Variants in NAV3 observed in about 807,000 individuals in gnomAD.
NAV3 encodes the protein neuron navigator 3, also known as pore membrane and/or filament interacting like protein 1.
Under a neutral mutation model 244.7 loss-of-function variants are expected in NAV3, and 87 were observed. The observed-to-expected ratio is 0.36, with a 90% CI of 0.30 to 0.42. NAV3 has a LOEUF of 0.42. Ranked by LOEUF, NAV3 falls within the 20% of genes least tolerant of loss-of-function variation. The pLI is 1.00. For missense variants in NAV3, 2,663 were observed against 2,893.3 expected, an observed-to-expected ratio of 0.92 and a Z score of 1.83; for synonymous variants, 1,126 against 1,042.2, an observed-to-expected ratio of 1.08 and a Z score of -1.55.
At chr12:78,134,236 C>T (rs1956281905) in intron 18 of NAV3, among the ~76,000 whole-genome samples, 1 of 152,160 alleles carries the variant, frequency 6.6e-6, no homozygotes, top group Non-Finnish European at 1.5e-5. Flanking sequence ...AGAATGAACT[C>T]CTGTCTTCTA....
intron 2 of NAV3, among the ~76,000 whole-genome samples, chr12:77,810,531 G>C (rs1196518901): frequency 6.6e-6 from 1 of 152,070 alleles, no homozygotes; most frequent in Non-Finnish European, 1.5e-5. Context: ...TAATTGAATG[G>C]TTTAAATTGA....
chr12:78,134,584 G>T (rs1405547591), intron 18 of NAV3, among the ~76,000 whole-genome samples: 1 of 152,048 alleles, frequency 6.6e-6, no homozygotes, highest in Non-Finnish European at 1.5e-5. Context: ...AGTGACTTGG[G>T]GTTATTTAAG....
intron 2 of NAV3, among the ~76,000 whole-genome samples, chr12:77,685,785 T>C (rs1450349015): frequency 6.6e-6 from 1 of 152,176 alleles, no homozygotes; most frequent in East Asian, 1.9e-4. Flanking sequence ...TGGGTTCCAT[T>C]AACAGCTTTC....
At chr12:78,183,748 A>G (rs2139777488) in intron 30 of NAV3, among the ~76,000 whole-genome samples, 1 of 152,070 alleles carries the variant, frequency 6.6e-6, no homozygotes, top group East Asian at 1.9e-4. Context: ...GGCAAATTTA[A>G]GCAGCTTATG....
At chr12:77,594,958 C>T (rs556746009) in intron 2 of NAV3, among the ~76,000 whole-genome samples, 13 of 151,982 alleles carry the variant, frequency 8.6e-5, no homozygotes, top group African/African-American at 1.2e-4. Context: ...ATTGTTGGTG[C>T]GCATATAAAT....
upstream of NAV3, among the ~76,000 whole-genome samples, chr12:77,827,405 A>G (rs1873126630): frequency 1.3e-5 from 2 of 151,982 alleles, no homozygotes; most frequent in Non-Finnish European, 2.9e-5. Context: ...GCAAGTTGCC[A>G]TTTTATGAGA....
chr12:78,134,563 C>G (rs957300664), intron 18 of NAV3, among the ~76,000 whole-genome samples: 2 of 152,064 alleles, frequency 1.3e-5, no homozygotes, highest in Non-Finnish European at 2.9e-5. Flanking sequence ...GCTGTAGATG[C>G]AAAAGTAGAG....
chr12:78,069,785 C>T (rs902237649), intron 12 of NAV3, among the ~76,000 whole-genome samples: 4 of 151,596 alleles, frequency 2.6e-5, no homozygotes, highest in African/African-American at 7.3e-5. Context: ...CCTCACATAT[C>T]GTGTGTGTAT....
intron 12 of NAV3, among the ~76,000 whole-genome samples, chr12:78,096,848 C>G (rs2138134111): frequency 6.6e-6 from 1 of 152,220 alleles, no homozygotes; most frequent in Admixed American, 6.5e-5. Flanking sequence ...TGAGCCTTTC[C>G]AGTTACTGTA....
At chr12:78,109,323 A>G (rs1447075779) in intron 12 of NAV3, among the ~76,000 whole-genome samples, 2 of 151,948 alleles carry the variant, frequency 1.3e-5, no homozygotes, top group African/African-American at 2.4e-5. Context: ...ACATCTCCCA[A>G]CTCTTTTAAA....
chr12:77,913,683 C>G (rs1400137796), intron 1 of NAV3, among the ~76,000 whole-genome samples: 1 of 152,038 alleles, frequency 6.6e-6, no homozygotes, highest in African/African-American at 2.4e-5. Flanking sequence ...CTCTGCTATA[C>G]TATCCTTGGT....
At chr12:78,067,052 T>A (rs1435425207) in intron 12 of NAV3, among the ~76,000 whole-genome samples, 6 of 152,104 alleles carry the variant, frequency 3.9e-5, no homozygotes, top group Non-Finnish European at 8.8e-5. Context: ...TTTCCAAGCC[T>A]TTTCCAACTA....
chr12:78,142,160 A>T (rs774800380), intron 20 of NAV3, among the ~76,000 whole-genome samples: 1 of 152,114 alleles, frequency 6.6e-6, no homozygotes, highest in Non-Finnish European at 1.5e-5. Flanking sequence ...AGAATGGGAT[A>T]TTCCACTTTC....
intron 12 of NAV3, among the ~76,000 whole-genome samples, chr12:78,086,813 A>G (rs300483): frequency 0.078 from 11,864 of 152,012 alleles, 473 homozygotes; most frequent in Admixed American, 0.086. Flanking sequence ...TCTTTCAATC[A>G]TTACATGTCC....
chr12:78,089,780 C>A (rs879730674), intron 12 of NAV3, among the ~76,000 whole-genome samples: 5 of 152,202 alleles, frequency 3.3e-5, no homozygotes, highest in Non-Finnish European at 2.9e-5. Context: ...TTTGACACTG[C>A]GTCTAACTCA....
At chr12:78,130,656 G>A (rs1268821642) in intron 18 of NAV3, 2 of 152,936 alleles carry the variant, frequency 1.3e-5, no homozygotes, top group East Asian at 1.9e-4. Flanking sequence ...AAAACTTTAT[G>A]TCAGTCCTGA....
At chr12:77,807,792 C>G (rs1311481889) in intron 2 of NAV3, among the ~76,000 whole-genome samples, 2 of 152,178 alleles carry the variant, frequency 1.3e-5, no homozygotes, top group Non-Finnish European at 2.9e-5. Flanking sequence ...TCCATTTTCC[C>G]CGTCACTTTC....
chr12:77,878,758 A>G (rs1003493736), intron 1 of NAV3, among the ~76,000 whole-genome samples: 1 of 149,658 alleles, frequency 6.7e-6, no homozygotes, highest in African/African-American at 2.5e-5. Flanking sequence ...AGACATGTTG[A>G]TTACATTTGC....
rs1566161968 is a variant in NAV3 at position 78,119,561 on chromosome 12, A to T, written c.3365A>T (p.Asp1122Val). 1 of 1,614,132 alleles carries T rather than the reference A, an allele frequency of 6.2e-7. No homozygotes were observed. The highest frequency in any genetic ancestry group is 1.3e-5 in the African/African-American group (1 of 75,034). ...TSLDGSQNQD[D>V]VVLHVSSKTT... ...TTGGACGGTTCACAGAATCAGGATG[A>T]TGTTGTGCTGCATGTTAGCTCAAAG... The change falls in exon 15 of 40, where the codon GAT (aspartate) becomes GTT (valine). Residue 1122 changes from aspartate to valine, a missense_variant. Around this residue, in one of 6 missense-constraint regions of NAV3, gnomAD observed 1,521 missense variants for 1,497.0 expected, o/e 1.02. Transcript: ENST00000397909.
Sources: gnomAD v4.1 joint callset for allele counts (sites outside exome capture counted in the v4.1 genomes callset) on GRCh38, gnomAD v4.1.1 for gene constraint, gnomAD v4.1.1 regional missense constraint, MANE v1.5 for transcripts, NCBI Gene and HGNC (gene_info 2026-07-23, HGNC 2026-07-21) for gene names.